Variants in ZAN observed in about 807,000 individuals in gnomAD.
ZAN encodes zonadhesin (gene/pseudogene).
A neutral mutation model predicts 286.2 loss-of-function variants in ZAN; 260 were observed. The ratio of observed to expected loss-of-function variants is 0.91; its 90% CI spans 0.82 to 1.01. The LOEUF (loss-of-function observed/expected upper bound fraction) is 1.01. Ranked by LOEUF, ZAN falls within the 50% of genes least tolerant of loss-of-function variation. ZAN has a pLI of 0.00. For synonymous variants in ZAN, 1,368 were observed against 1,417.5 expected, an observed-to-expected ratio of 0.97 and a Z score of 0.79; for missense variants, 3,410 against 3,639.2, an observed-to-expected ratio of 0.94 and a Z score of 1.62.
Position 100,792,040 on chromosome 7 carries a change from G to GC in ZAN, c.7607dup (p.Glu2537GlyfsTer12). The GC allele has an allele frequency of 6.2e-7, 1 of 1,613,278 alleles. No homozygotes were observed. Among genetic ancestry groups the GC allele is most frequent in the Non-Finnish European group, 8.5e-7 (1 of 1,179,796 alleles). ...ACGGGCCTCCAAGTGTCCGAATGTAGCCCGGAGCAGCTGGCGAGCAACAGC... is the reference window on the plus strand; with the variant it reads ...ACGGGCCTCCAAGTGTCCGAATGTAGCCCCGGAGCAGCTGGCGAGCAACAGC... On this transcript the variant is annotated frameshift_variant, in exon 41 of 48. Transcript: ENST00000613979. LOFTEE classifies it high-confidence loss of function.
chr7:100,776,323 AGGGAGGG>A, intron 33 of ZAN, 110 bp from the exon 34 acceptor site: 22 of 512,406 alleles, frequency 4.3e-5, no homozygotes, highest in East Asian at 1.3e-4. Flanking sequence ...GAAGGAAGGG[AGGGAGGG>A]AGGGAGGGAG....
chr7:100,734,243 A>G, intron 2 of ZAN, 22 bp downstream of exon 2: 4 of 1,404,386 alleles, frequency 2.8e-6, no homozygotes, highest in East Asian at 5.1e-5. Context: ...CCAGGGGGTA[A>G]TGATAAACCA....
chr7:100,734,151 C>G lies in ZAN; in HGVS notation c.-18C>G, dbSNP rs1218016304. 4 of 1,445,090 alleles carry G rather than the reference C, an allele frequency of 2.8e-6. 1 individual carries two copies. The highest frequency in any genetic ancestry group is 2.8e-6 in the Non-Finnish European group (3 of 1,061,424). The allele number at this position is 1,445,090 out of a possible 1,614,324, so 89.5% of individuals were successfully genotyped here. Reference sequence around the variant, plus strand: ...GTGCCCTTCCCCTCTCCCCTGGGAGCAACCACTTAGGGTCCTCATGGTTCC... The same window carrying G: ...GTGCCCTTCCCCTCTCCCCTGGGAGGAACCACTTAGGGTCCTCATGGTTCC... On this transcript the variant is annotated 5_prime_UTR_variant, in exon 2 of 48. Coordinates refer to ENST00000613979, the MANE Select transcript of ZAN (RefSeq NM_003386.3).
chr7:100,749,872 GA>G (rs915495046), intron 11 of ZAN, among the ~76,000 whole-genome samples: 9 of 150,240 alleles, frequency 6.0e-5, no homozygotes, highest in African/African-American at 2.2e-4. Flanking sequence ...CCAACATGGT[GA>G]AACCCCACCT....
intron 29 of ZAN, among the ~76,000 whole-genome samples, chr7:100,772,799 C>T (rs1019215444): frequency 4.2e-5 from 6 of 141,680 alleles, no homozygotes; most frequent in Non-Finnish European, 6.1e-5. Context: ...CCAGCCTGGG[C>T]GACAGAGCGA....
chr7:100,790,949 C>T lies in ZAN; in HGVS notation c.7365C>T (p.Ser2455=), dbSNP rs200926500. ...SFGGRKNAVI[S]LPSMYEGLVS... ...ACCCCCTTCCTCCCGCAGTGATCTC[C>T]CTACCCAGCATGTACGAGGGGCTTG... is the stretch of plus-strand genomic sequence containing the variant. Residue 2455 remains serine, a synonymous_variant, in exon 40 of 48, where the codon TCC becomes TCT. Coordinates refer to ENST00000613979, the MANE Select transcript of ZAN (RefSeq NM_003386.3). The T allele has an allele frequency of 7.2e-4, 1,163 of 1,611,302 alleles. 4 individuals are homozygous for T. In the South Asian group the frequency reaches 7.9e-3, roughly 11 times the overall value.
chr7:100,743,093 A>G (rs111297357), intron 7 of ZAN, among the ~76,000 whole-genome samples: 2,560 of 93,720 alleles, frequency 0.027, 384 homozygotes, highest in African/African-American at 0.083. Context: ...GCACGATCTC[A>G]GCTCACTGCA....
chr7:100,756,031 A>G (rs996014712), intron 15 of ZAN, among the ~76,000 whole-genome samples: 1 of 152,160 alleles, frequency 6.6e-6, no homozygotes, highest in East Asian at 1.9e-4. Context: ...CTGGGATAAC[A>G]GGCTCACGCC....
intron 37 of ZAN, 51 bp downstream of exon 37, chr7:100,786,192 C>T (rs1398278264): frequency 1.2e-5 from 19 of 1,605,946 alleles, no homozygotes; most frequent in East Asian, 4.5e-5. Context: ...GTGGCCAGGG[C>T]GGAGGTGGAG....
intron 4 of ZAN, 29 bp downstream of exon 4, chr7:100,736,658 T>C (rs1265646049): frequency 6.6e-7 from 1 of 1,517,480 alleles, no homozygotes; most frequent in Non-Finnish European, 9.0e-7. Context: ...CAGGGGACCA[T>C]GAGCAGGGAG....
intron 37 of ZAN, among the ~76,000 whole-genome samples, chr7:100,787,132 A>G (rs1415729876): frequency 6.6e-6 from 1 of 151,768 alleles, no homozygotes; most frequent in Non-Finnish European, 1.5e-5. Context: ...GAAAAAAAAA[A>G]GTCTAGGTAC....
Position 100,748,349 on chromosome 7 carries a change from A to T in ZAN, c.1128A>T (p.Glu376Asp), listed in dbSNP as rs1298930662. ...CGEGFPQCDF[E>D]DNAHPFCDWV... ...AGGGTTTTCCTCAGTGTGACTTTGA[A>T]GACAACGCCCATCCCTTCTGTGACT... The change falls in exon 11 of 48, where the codon GAA (glutamate) becomes GAT (aspartate). Residue 376 changes from glutamate (E) to aspartate (D), a missense_variant. By Grantham distance (45) the Glu-to-Asp change is conservative. Around this residue, in one of 7 missense-constraint regions of ZAN, gnomAD observed 872 missense variants for 938.9 expected, o/e 0.93. Coordinates refer to ENST00000613979, the MANE Select transcript of ZAN (RefSeq NM_003386.3). 2 of 1,613,884 alleles carry T rather than the reference A, an allele frequency of 1.2e-6. No individual in the cohort carries two copies. The highest frequency in any genetic ancestry group is 2.7e-5 in the African/African-American group (2 of 74,936).
chr7:100,776,889 C>T (rs6967598), intron 34 of ZAN, among the ~76,000 whole-genome samples: 2,550 of 146,148 alleles, frequency 0.017, 87 homozygotes, highest in African/African-American at 0.06. Flanking sequence ...CCCGCCACCG[C>T]GCCCGGCTAA....
chr7:100,754,727 C>G (rs575581321), intron 14 of ZAN, among the ~76,000 whole-genome samples: 75 of 151,758 alleles, frequency 4.9e-4, no homozygotes, highest in African/African-American at 1.7e-3. Context: ...TGGTCTTGAC[C>G]TCCCAAAGTC....
Position 100,766,945 on chromosome 7 carries a change from G to A in ZAN, c.4613-65G>A, listed in dbSNP as rs1028406711. The stretch of plus-strand genomic sequence containing the variant: ...CCAATGTGGGCTCTCCAGGATGGCA[G>A]CTCTGAGTCAAAGCTTCCGGGGCAT... On this transcript the variant is annotated intron_variant, in intron 24 of 47. Transcript: ENST00000613979. The A allele has an allele frequency of 6.0e-5, 95 of 1,593,464 alleles. 1 individual carries two copies. The African/African-American group carries it at 6.7e-4, about 11-fold the overall frequency.
intron 37 of ZAN, among the ~76,000 whole-genome samples, chr7:100,787,666 A>G (rs187284977): frequency 2.0e-5 from 3 of 152,180 alleles, no homozygotes; most frequent in African/African-American, 7.2e-5. Context: ...GGTTCAAGCA[A>G]TTCTCTTGCC....
chr7:100,774,071 A>C (rs960102809), intron 31 of ZAN, among the ~76,000 whole-genome samples: 9 of 152,152 alleles, frequency 5.9e-5, no homozygotes, highest in African/African-American at 2.2e-4. Context: ...TGTAGCGGCC[A>C]CCAACTTAGA....
Position 100,789,296 on chromosome 7 carries a change from C to T in ZAN, c.7306C>T (p.Leu2436=), listed in dbSNP as rs1811782501. ...CACCCTGTGGGGCCAACGGCTCTAC[C>T]TGGTCACCGACTTTGAGCTGGTCGT... The part of the protein sequence containing the change: ...RVTLWGQRLY[L]VTDFELVVSF... The change falls in exon 39 of 48, where the codon CTG becomes TTG. Residue 2436 remains leucine (L), a synonymous_variant. Transcript: ENST00000613979. The T allele has an allele frequency of 2.5e-6, 4 of 1,613,944 alleles. No individual in the cohort carries two copies. The highest frequency in any genetic ancestry group is 1.1e-5 in the South Asian group (1 of 91,064).
At chr7:100,754,576 T>C (rs1809012143) in intron 14 of ZAN, among the ~76,000 whole-genome samples, 1 of 151,410 alleles carries the variant, frequency 6.6e-6, no homozygotes, top group Non-Finnish European at 1.5e-5. Context: ...TGATCTCGGC[T>C]CACTGCAACC....
Sources: gnomAD v4.1 joint callset for allele counts (sites outside exome capture counted in the v4.1 genomes callset) on GRCh38, gnomAD v4.1.1 for gene constraint, gnomAD v4.1.1 regional missense constraint, MANE v1.5 for transcripts, NCBI Gene and HGNC (gene_info 2026-07-23, HGNC 2026-07-21) for gene names.